Variants in BNC2 observed in about 807,000 individuals in gnomAD.
BNC2 encodes the protein basonuclin zinc finger protein 2.
BNC2 carries 20 observed loss-of-function variants against 76.3 expected under a neutral mutation model. The observed-to-expected ratio is 0.26, with a 90% CI of 0.18 to 0.38. BNC2 has a LOEUF of 0.38. Among genes scored for constraint, BNC2 ranks in the 10% least tolerant of loss-of-function variants. The pLI, the probability that BNC2 is intolerant of heterozygous loss-of-function variation, is 1.00. For synonymous variants in BNC2, 582 were observed against 514.8 expected (o/e 1.13, Z -1.77); for missense variants, 1,382 against 1,399.8 (o/e 0.99, Z 0.20).
At chr9:16,786,952 C>T (rs578072035) in intron 1 of BNC2, among the ~76,000 whole-genome samples, 2 of 152,294 alleles carry the variant, frequency 1.3e-5, no homozygotes, top group African/African-American at 4.8e-5. Context: ...AGCAAAAGAT[C>T]TGACAATCAG....
chr9:16,651,702 A>T (rs1296011599), intron 3 of BNC2, among the ~76,000 whole-genome samples: 1 of 152,210 alleles, frequency 6.6e-6, no homozygotes, highest in African/African-American at 2.4e-5. Context: ...TACTGGCAAT[A>T]AACCTTGGGT....
chr9:16,849,460 G>A (rs1819074028), intron 1 of BNC2, among the ~76,000 whole-genome samples: 1 of 137,734 alleles, frequency 7.3e-6, no homozygotes, highest in African/African-American at 2.8e-5. Flanking sequence ...CCAAGTTCAA[G>A]CAAGTCTCCT....
intron 1 of BNC2, among the ~76,000 whole-genome samples, chr9:16,831,175 T>C (rs1818570127): frequency 6.6e-6 from 1 of 152,244 alleles, no homozygotes; most frequent in Non-Finnish European, 1.5e-5. Context: ...GAGCCTACTT[T>C]ATTATTATTC....
At chr9:16,502,370 A>T (rs1822537061) in intron 5 of BNC2, among the ~76,000 whole-genome samples, 1 of 152,186 alleles carries the variant, frequency 6.6e-6, no homozygotes. Flanking sequence ...GAAGTTTCTA[A>T]AAAGTTTTGA....
intron 3 of BNC2, among the ~76,000 whole-genome samples, chr9:16,610,209 C>T (rs183090883): frequency 4.6e-5 from 7 of 152,212 alleles, no homozygotes; most frequent in African/African-American, 1.4e-4. Flanking sequence ...TACCTAATAA[C>T]GCAACTGAAG....
intron 1 of BNC2, among the ~76,000 whole-genome samples, chr9:16,821,134 G>A (rs1818319434): frequency 6.6e-6 from 1 of 151,836 alleles, no homozygotes; most frequent in African/African-American, 2.4e-5. Context: ...TCGGGAGGCT[G>A]AGGCAGGAGA....
intron 1 of BNC2, among the ~76,000 whole-genome samples, chr9:16,748,087 C>T (rs1825063160): frequency 6.6e-6 from 1 of 152,040 alleles, no homozygotes; most frequent in African/African-American, 2.4e-5. Flanking sequence ...AGATGCAGAA[C>T]AGTAAATACT....
intron 3 of BNC2, among the ~76,000 whole-genome samples, chr9:16,695,047 T>C (rs1361405045): frequency 2.0e-5 from 3 of 152,240 alleles, no homozygotes. Context: ...AAGGGAGTTA[T>C]ATTTTCCTTG....
intron 5 of BNC2, among the ~76,000 whole-genome samples, chr9:16,498,276 C>CAT (rs202156398): frequency 0.16 from 17,886 of 108,542 alleles, 4,216 homozygotes; most frequent in African/African-American, 0.49. Flanking sequence ...TATATTCCAT[C>CAT]ATATATATAT....
Position 16,646,358 on chromosome 9 carries a change from C to T in BNC2, c.331-63273G>A, listed in dbSNP as rs144396510. 5.6e-4 allele frequency among the ~76,000 whole-genome samples: 85 copies of T among 152,248 alleles called. 1 individual carries two copies. In the South Asian group the frequency reaches 0.01, roughly 19 times the overall value. ...AGATGTCTCCACTATATAGAAACAA[C>T]TCATAAAATATGTCTAAATATTCAT... On this transcript the variant is annotated intron_variant, in intron 3 of 6. Coordinates refer to ENST00000380672, the MANE Select transcript of BNC2 (RefSeq NM_017637.6).
At chr9:16,608,768 A>G (rs905422365) in intron 3 of BNC2, among the ~76,000 whole-genome samples, 2 of 152,210 alleles carry the variant, frequency 1.3e-5, no homozygotes, top group Admixed American at 1.3e-4. Flanking sequence ...ACAGGGAGTC[A>G]GTGAGATCTG....
intron 1 of BNC2, among the ~76,000 whole-genome samples, chr9:16,772,807 T>A (rs1479022842): frequency 6.6e-6 from 1 of 152,164 alleles, no homozygotes; most frequent in East Asian, 1.9e-4. Context: ...TAGGTAGGAG[T>A]TATACATTCC....
intron 1 of BNC2, among the ~76,000 whole-genome samples, chr9:16,835,868 G>GT (rs1818694576): frequency 6.6e-6 from 1 of 152,112 alleles, no homozygotes; most frequent in African/African-American, 2.4e-5. Flanking sequence ...AAGTTGAATT[G>GT]TTTTTTCCCA....
chr9:16,468,665 A>C (rs1473901270), intron 5 of BNC2, among the ~76,000 whole-genome samples: 1 of 152,058 alleles, frequency 6.6e-6, no homozygotes, highest in Non-Finnish European at 1.5e-5. Flanking sequence ...TGCTGGGATT[A>C]CAGGTGTGAG....
At chr9:16,582,892 GACACACACACACACAC>G (rs149223772) in intron 4 of BNC2, 75 bp downstream of exon 4, 53 of 627,032 alleles carry the variant, frequency 8.5e-5, no homozygotes, top group Middle Eastern at 3.2e-4. Context: ...CCTCTAAACA[GACACACACACACACAC>G]ACACACACAC....
intron 2 of BNC2, 124 bp downstream of exon 2, chr9:16,738,230 AATGAGG>A: frequency 9.8e-7 from 1 of 1,024,096 alleles, no homozygotes. Context: ...AGTTTCATAG[AATGAGG>A]ATAAGTATGA....
At chr9:16,788,939 C>T (rs1817423879) in intron 1 of BNC2, among the ~76,000 whole-genome samples, 1 of 152,164 alleles carries the variant, frequency 6.6e-6, no homozygotes, top group African/African-American at 2.4e-5. Flanking sequence ...TCCTTGGCAT[C>T]TCTATTCCCT....
intron 6 of BNC2, among the ~76,000 whole-genome samples, chr9:16,425,997 C>T (rs1820797639): frequency 1.3e-5 from 2 of 152,146 alleles, no homozygotes; most frequent in South Asian, 4.1e-4. Flanking sequence ...TCAATAGGTA[C>T]CTGTTGCGCT....
chr9:16,590,131 A>G (rs1222790804), intron 3 of BNC2, among the ~76,000 whole-genome samples: 2 of 152,060 alleles, frequency 1.3e-5, no homozygotes, highest in African/African-American at 4.8e-5. Flanking sequence ...GTACAGCGGT[A>G]AAAGAAAATG....
Sources: allele counts gnomAD v4.1 joint callset (sites outside exome capture counted in the v4.1 genomes callset), GRCh38; gene constraint gnomAD v4.1.1; transcripts MANE v1.5; gene names NCBI Gene and HGNC (gene_info 2026-07-23, HGNC 2026-07-21).